Variants in TLN2 observed in about 807,000 individuals in gnomAD.
TLN2 encodes the protein talin 2.
A neutral mutation model predicts 294.7 loss-of-function variants in TLN2; 118 were observed. The observed-to-expected ratio is 0.40, with a 90% CI of 0.34 to 0.47. TLN2 has a LOEUF of 0.47. Among genes scored for constraint, TLN2 ranks in the 20% least tolerant of loss-of-function variants. The pLI is 0.84. For synonymous variants in TLN2, 1,431 were observed against 1,304.5 expected (o/e 1.10, Z -2.09); for missense variants, 3,083 against 3,282.2 (o/e 0.94, Z 1.48).
At chr15:62,617,278 T>C (rs2048385575) in intron 2 of TLN2, among the ~76,000 whole-genome samples, 1 of 151,966 alleles carries the variant, frequency 6.6e-6, no homozygotes. Flanking sequence ...GTCACCTCTG[T>C]GTTATGGGTG....
chr15:62,657,052 A>G lies in TLN2; in HGVS notation c.661-719A>G, dbSNP rs564855432. On this transcript the variant is annotated intron_variant, in intron 8 of 58. Transcript: ENST00000636159. ...GCCAAAAGGAGAGAGATAGCAGGGC[A>G]GTGAAAAGATGCTTGTTGGCTTAAG... Among the ~76,000 whole-genome samples the G allele has an allele frequency of 5.9e-5, 9 of 151,776 alleles. No homozygotes were observed. In the East Asian group the frequency reaches 1.8e-3, roughly 30 times the overall value.
chr15:62,825,784 A>ATAAATATAT lies in TLN2; in HGVS notation c.7002+5176_7002+5177insAATATATTA, dbSNP rs1555521868. Among the ~76,000 whole-genome samples the ATAAATATAT allele has an allele frequency of 1.4e-4, 2 of 14,616 alleles. 1 individual carries two copies. The highest frequency in any genetic ancestry group is 4.1e-4 in the African/African-American group (2 of 4,850). The allele number at this position is 14,616 out of a possible 152,430, so 9.6% of individuals were successfully genotyped here. A position where few individuals can be genotyped will look rare whatever the true frequency, so the allele number is the denominator to read the frequency against. On this transcript the variant is annotated intron_variant, in intron 54 of 58. Transcript: ENST00000636159. ...ATAATTATATATTATATAATATATT[A>ATAAATATAT]TATATTATAATATATATTATATATT...
chr15:62,420,808 C>G lies in TLN2; in HGVS notation c.-238+30123C>G, dbSNP rs377474821. On this transcript the variant is annotated intron_variant, in intron 1 of 58. Coordinates refer to ENST00000636159, the MANE Select transcript of TLN2 (RefSeq NM_015059.3). ...TTACTGTGGGTCTGAAGAAACTCCC[C>G]AGGCCTCCACAAACAAGTTTATTGG... is the stretch of plus-strand genomic sequence containing the variant. Among the ~76,000 whole-genome samples the G allele has an allele frequency of 3.7e-4, 57 of 152,264 alleles. 1 individual carries two copies. The highest frequency in any genetic ancestry group is 1.3e-3 in the African/African-American group (55 of 41,554).
chr15:62,554,979 A>G (rs985964627), intron 1 of TLN2, among the ~76,000 whole-genome samples: 1 of 117,524 alleles, frequency 8.5e-6, no homozygotes, highest in Non-Finnish European at 1.7e-5. Flanking sequence ...GAAGTTTATA[A>G]ATTCTATTTA....
chr15:62,458,711 G>C (rs554647131), intron 1 of TLN2, among the ~76,000 whole-genome samples: 1 of 151,958 alleles, frequency 6.6e-6, no homozygotes, highest in Admixed American at 6.6e-5. Context: ...CAAGGCTACA[G>C]TGAGCCATGG....
intron 51 of TLN2, among the ~76,000 whole-genome samples, chr15:62,806,596 C>A (rs912669068): frequency 4.6e-5 from 7 of 152,152 alleles, no homozygotes; most frequent in Non-Finnish European, 8.8e-5. Flanking sequence ...TTCCTCTGTT[C>A]CTTAGGTAGA....
intron 2 of TLN2, among the ~76,000 whole-genome samples, chr15:62,597,672 T>G (rs1315626400): frequency 1.3e-5 from 2 of 152,210 alleles, no homozygotes; most frequent in African/African-American, 4.8e-5. Flanking sequence ...TTATCCAGAC[T>G]GCTTGGGTCC....
chr15:62,594,309 G>C (rs1266630940), intron 2 of TLN2, among the ~76,000 whole-genome samples: 2 of 152,180 alleles, frequency 1.3e-5, no homozygotes, highest in African/African-American at 4.8e-5. Flanking sequence ...CTAGGCACAA[G>C]TGATCCTTTC....
intron 48 of TLN2, among the ~76,000 whole-genome samples, chr15:62,797,729 C>T (rs1026820245): frequency 6.6e-6 from 1 of 152,102 alleles, no homozygotes; most frequent in African/African-American, 2.4e-5. Flanking sequence ...CAGAGCAGGG[C>T]ACAGGAGCTC....
Position 62,697,887 on chromosome 15 carries a change from G to T in TLN2, c.1473+19G>T, listed in dbSNP as rs556085510. On this transcript the variant is annotated intron_variant, in intron 15 of 58. Coordinates refer to ENST00000636159, the MANE Select transcript of TLN2 (RefSeq NM_015059.3). ...GCCACTGGTGAGGCTTCCTGTGCTC[G>T]TCCCCCACTCGTTAGTCTGCTGCCT... The T allele has an allele frequency of 1.2e-6, 2 of 1,607,728 alleles. No homozygotes were observed. Among genetic ancestry groups the T allele is most frequent in the South Asian group, 1.1e-5 (1 of 90,678 alleles).
In TLN2 at chr15:62,783,875, G is replaced by T. The variant is rs750541878; in HGVS notation, c.5721G>T (p.Thr1907=). Residue 1907 remains threonine, a synonymous_variant, in exon 45 of 59, where the codon ACG becomes ACT. Coordinates refer to ENST00000636159, the MANE Select transcript of TLN2 (RefSeq NM_015059.3). ...LAFQGQMAAA[T]AEPEEIGFQI... is the part of the protein sequence containing the mutation. ...TCCAGGGCCAGATGGCAGCAGCCAC[G>T]GCGGAACCAGAGGAGGTCTGCCACC... 8.1e-6 allele frequency: 13 copies of T among 1,613,892 alleles called. No homozygotes were observed. Among genetic ancestry groups the T allele is most frequent in the Non-Finnish European group, 1.1e-5 (13 of 1,179,986 alleles).
intron 54 of TLN2, among the ~76,000 whole-genome samples, chr15:62,826,374 C>T (rs115429658): frequency 0.025 from 3,788 of 152,278 alleles, 71 homozygotes; most frequent in Admixed American, 0.039. Context: ...GCGTATTCCT[C>T]GGATGCGGAG....
intron 1 of TLN2, among the ~76,000 whole-genome samples, chr15:62,445,998 T>C (rs1209112589): frequency 4.6e-5 from 7 of 151,092 alleles, no homozygotes; most frequent in Non-Finnish European, 8.9e-5. Context: ...TTTTTTTTTG[T>C]ATAAATTTAT....
At chr15:62,467,019 TG>T (rs2037172639) in intron 1 of TLN2, among the ~76,000 whole-genome samples, 1 of 152,180 alleles carries the variant, frequency 6.6e-6, no homozygotes. Flanking sequence ...GCCTCAAGCT[TG>T]GGGGAGGACA....
rs58363182 is a variant in TLN2 at position 62,621,316 on chromosome 15, T to G, written c.-37+2841T>G. ...GTATGGCTGTGTCCTTTGGAAAGTT[T>G]ACTGGGAAACATAGCATTTGGGGCA... is the stretch of plus-strand genomic sequence containing the variant. On this transcript the variant is annotated intron_variant, in intron 3 of 58. Coordinates refer to ENST00000636159, the MANE Select transcript of TLN2 (RefSeq NM_015059.3). Among the ~76,000 whole-genome samples the G allele has an allele frequency of 6.4e-4, 97 of 152,350 alleles. No homozygotes were observed. The East Asian group carries it at 0.018, about 28-fold the overall frequency.
chr15:62,511,250 G>A (rs1337148248), intron 1 of TLN2, among the ~76,000 whole-genome samples: 1 of 152,140 alleles, frequency 6.6e-6, no homozygotes, highest in Non-Finnish European at 1.5e-5. Context: ...GAGTCTATTA[G>A]TGTGTTTTTT....
At chr15:62,554,514 G>T (rs1198447101) in intron 1 of TLN2, among the ~76,000 whole-genome samples, 2 of 151,770 alleles carry the variant, frequency 1.3e-5, no homozygotes, top group Non-Finnish European at 2.9e-5. Flanking sequence ...AAAAACTCAG[G>T]AGAATTGTAG....
At chr15:62,552,329 A>T (rs1302341632) in intron 1 of TLN2, among the ~76,000 whole-genome samples, 1 of 152,214 alleles carries the variant, frequency 6.6e-6, no homozygotes, top group African/African-American at 2.4e-5. Flanking sequence ...CACGGATTCC[A>T]TATTTGTCAA....
At chr15:62,701,060 G>A (rs1335432690) in intron 16 of TLN2, 46 bp from the exon 17 acceptor site, 1 of 1,544,912 alleles carries the variant, frequency 6.5e-7, no homozygotes, top group African/African-American at 1.4e-5. Flanking sequence ...GGTCTCCTGG[G>A]TAATTCTGTG....
Sources: gnomAD v4.1 joint callset for allele counts (sites outside exome capture counted in the v4.1 genomes callset) on GRCh38, gnomAD v4.1.1 for gene constraint, MANE v1.5 for transcripts, NCBI Gene and HGNC (gene_info 2026-07-23, HGNC 2026-07-21) for gene names.